LRRTM4: variants seen among roughly 807,000 people sequenced by gnomAD.
LRRTM4 encodes the protein leucine rich repeat transmembrane neuronal 4, also known as leucine-rich repeat transmembrane neuronal protein 4.
A neutral mutation model predicts 47.6 loss-of-function variants in LRRTM4; 25 were observed. The ratio of observed to expected loss-of-function variants is 0.53; its 90% CI spans 0.38 to 0.73. LRRTM4 has a LOEUF of 0.73. LRRTM4 is among the 30% of genes least tolerant of loss of function. LRRTM4 has a pLI of 0.00. For synonymous variants in LRRTM4, 311 were observed against 269.5 expected, an observed-to-expected ratio of 1.15 and a Z score of -1.51; for missense variants, 638 against 713.4, an observed-to-expected ratio of 0.89 and a Z score of 1.20.
chr2:77,075,231 G>T (rs1680293266), intron 3 of LRRTM4, among the ~76,000 whole-genome samples: 1 of 152,112 alleles, frequency 6.6e-6, no homozygotes, highest in Admixed American at 6.5e-5. Context: ...ATTGATTTTG[G>T]AAGGAACAGT....
intron 3 of LRRTM4, among the ~76,000 whole-genome samples, chr2:76,807,234 C>T (rs143683199): frequency 2.2e-4 from 34 of 151,460 alleles, no homozygotes; most frequent in South Asian, 1.2e-3. Flanking sequence ...TTATAAAGTA[C>T]GACAAATTTT....
intron 3 of LRRTM4, among the ~76,000 whole-genome samples, chr2:77,417,010 T>C (rs1674658999): frequency 6.6e-6 from 1 of 152,112 alleles, no homozygotes; most frequent in South Asian, 2.1e-4. Flanking sequence ...AAGGGGCTAA[T>C]ATCCAGAATC....
At chr2:76,908,758 A>G (rs1185382750) in intron 3 of LRRTM4, among the ~76,000 whole-genome samples, 1 of 152,086 alleles carries the variant, frequency 6.6e-6, no homozygotes, top group Non-Finnish European at 1.5e-5. Flanking sequence ...TTCAAAGAGA[A>G]TAAAATACCT....
chr2:76,780,139 T>C (rs937442419), intron 3 of LRRTM4, among the ~76,000 whole-genome samples: 38 of 152,220 alleles, frequency 2.5e-4, no homozygotes, highest in Admixed American at 9.2e-4. Flanking sequence ...CCGCTGTTAG[T>C]CTGATGGGCT....
At chr2:77,042,644 A>C (rs1679075555) in intron 3 of LRRTM4, among the ~76,000 whole-genome samples, 1 of 144,718 alleles carries the variant, frequency 6.9e-6, no homozygotes, top group Admixed American at 6.9e-5. Flanking sequence ...TATATAAAGT[A>C]AAATTAATTT....
chr2:77,391,096 A>T (rs542467630), intron 3 of LRRTM4, among the ~76,000 whole-genome samples: 1 of 152,178 alleles, frequency 6.6e-6, no homozygotes, highest in Non-Finnish European at 1.5e-5. Context: ...TGAATATTTA[A>T]TTACTTAATT....
intron 3 of LRRTM4, among the ~76,000 whole-genome samples, chr2:76,935,599 T>G (rs1308312710): frequency 1.3e-5 from 2 of 152,204 alleles, no homozygotes. Context: ...AGGTATTTTA[T>G]TCTCTTAGTA....
chr2:76,933,425 T>C (rs559805423), intron 3 of LRRTM4, among the ~76,000 whole-genome samples: 2 of 152,082 alleles, frequency 1.3e-5, no homozygotes, highest in Non-Finnish European at 2.9e-5. Flanking sequence ...TTTTTTAGCA[T>C]TGCTGTAAGG....
chr2:76,835,615 A>G (rs887383346), intron 3 of LRRTM4, among the ~76,000 whole-genome samples: 1 of 152,064 alleles, frequency 6.6e-6, no homozygotes, highest in African/African-American at 2.4e-5. Flanking sequence ...ATTGGTCTCA[A>G]ATTATGGGAG....
chr2:77,190,288 C>T (rs1321108043), intron 3 of LRRTM4, among the ~76,000 whole-genome samples: 1 of 118,326 alleles, frequency 8.5e-6, no homozygotes, highest in Non-Finnish European at 1.7e-5. Flanking sequence ...AGAGCATTTT[C>T]ATCTTTTTTT....
intron 3 of LRRTM4, among the ~76,000 whole-genome samples, chr2:77,014,523 T>TATATATATATATATATATATA (rs1677989293): frequency 7.3e-5 from 11 of 149,674 alleles, no homozygotes; most frequent in South Asian, 2.1e-4. Flanking sequence ...TATATAAAGA[T>TATATATATATATATATATATA]TTTATAGGCC....
At chr2:77,199,313 G>C (rs904671610) in intron 3 of LRRTM4, among the ~76,000 whole-genome samples, 45 of 152,048 alleles carry the variant, frequency 3.0e-4, no homozygotes, top group African/African-American at 9.9e-4. Flanking sequence ...ACACATGAGG[G>C]AATTAAAACT....
At chr2:77,372,118 T>C (rs1226560477) in intron 3 of LRRTM4, among the ~76,000 whole-genome samples, 2 of 151,804 alleles carry the variant, frequency 1.3e-5, no homozygotes, top group South Asian at 2.1e-4. Context: ...AATATGACAA[T>C]AGGCTGCTGG....
At chr2:77,103,005 A>G (rs1169736649) in intron 3 of LRRTM4, among the ~76,000 whole-genome samples, 1 of 152,206 alleles carries the variant, frequency 6.6e-6, no homozygotes, top group Non-Finnish European at 1.5e-5. Context: ...AAGTTTGCCA[A>G]AATGGTAGAC....
At chr2:76,943,550 T>C (rs1675222849) in intron 3 of LRRTM4, among the ~76,000 whole-genome samples, 1 of 152,252 alleles carries the variant, frequency 6.6e-6, no homozygotes, top group Non-Finnish European at 1.5e-5. Context: ...AAGAGTTGTC[T>C]ACATTTATGC....
intron 3 of LRRTM4, among the ~76,000 whole-genome samples, chr2:76,903,561 A>G (rs929478760): frequency 6.6e-6 from 1 of 152,120 alleles, no homozygotes; most frequent in Non-Finnish European, 1.5e-5. Context: ...AAAAAAGAAG[A>G]ACAAACAAAA....
At chr2:77,358,984 A>T (rs1672075941) in intron 3 of LRRTM4, among the ~76,000 whole-genome samples, 1 of 152,104 alleles carries the variant, frequency 6.6e-6, no homozygotes, top group Non-Finnish European at 1.5e-5. Flanking sequence ...TGAATGATGA[A>T]AGAATTTTAC....
At chr2:77,077,634 T>G (rs1418522902) in intron 3 of LRRTM4, among the ~76,000 whole-genome samples, 1 of 152,128 alleles carries the variant, frequency 6.6e-6, no homozygotes, top group African/African-American at 2.4e-5. Flanking sequence ...ATAATTCCAG[T>G]GCCCAAGATC....
At chr2:77,030,761 T>C (rs868237469) in intron 3 of LRRTM4, among the ~76,000 whole-genome samples, 13 of 152,338 alleles carry the variant, frequency 8.5e-5, no homozygotes, top group Middle Eastern at 3.4e-3. Flanking sequence ...TGAAAGATGA[T>C]TGCTTGCTAA....
Sources: gnomAD v4.1 joint callset for allele counts (sites outside exome capture counted in the v4.1 genomes callset) on GRCh38, gnomAD v4.1.1 for gene constraint, MANE v1.5 for transcripts, NCBI Gene and HGNC (gene_info 2026-07-23, HGNC 2026-07-21) for gene names.